UPRT: variants seen among roughly 807,000 people sequenced by gnomAD.
UPRT encodes RP11-311P8.3.
A neutral mutation model predicts 22.6 loss-of-function variants in UPRT; 5 were observed. The ratio of observed to expected loss-of-function variants is 0.22; its 90% CI spans 0.12 to 0.47. The LOEUF is 0.47. Ranked by LOEUF, UPRT falls within the 20% of genes least tolerant of loss-of-function variation. The pLI, the probability that UPRT is intolerant of heterozygous loss-of-function variation, is 0.99. For synonymous variants in UPRT, 77 were observed against 87.7 expected, an observed-to-expected ratio of 0.88 and a Z score of 0.68; for missense variants, 181 against 239.9, an observed-to-expected ratio of 0.75 and a Z score of 1.62.
intron 4 of UPRT, among the ~76,000 whole-genome samples, chrX:75,243,458 T>G (rs5981822): frequency 0.032 from 3,573 of 111,499 alleles, 147 homozygotes; most frequent in African/African-American, 0.11. Flanking sequence ...CACAAATATT[T>G]TCTGTAAATG....
intron 4 of UPRT, among the ~76,000 whole-genome samples, chrX:75,234,048 G>A (rs751550095): frequency 9.9e-5 from 11 of 110,554 alleles, no homozygotes; most frequent in African/African-American, 1.3e-4. Context: ...CCCATCTCAC[G>A]TGCAGAGACA....
At chrX:75,236,552 T>C (rs1907113816) in intron 4 of UPRT, among the ~76,000 whole-genome samples, 1 of 111,442 alleles carries the variant, frequency 9.0e-6, no homozygotes, top group Non-Finnish European at 1.9e-5. Context: ...CAAACTATAC[T>C]ACAAGGCTAC....
intron 4 of UPRT, among the ~76,000 whole-genome samples, chrX:75,208,837 T>C (rs1232171744): frequency 9.0e-6 from 1 of 111,569 alleles, no homozygotes; most frequent in Admixed American, 9.5e-5. Context: ...TGGGATGTGA[T>C]GTGTGGCTAT....
chrX:75,271,566 C>G (rs895668220), upstream of UPRT, among the ~76,000 whole-genome samples: 1 of 112,044 alleles, frequency 8.9e-6, no homozygotes, highest in Non-Finnish European at 1.9e-5. Context: ...TGGAAAAACC[C>G]TTATAGACAT....
At chrX:75,181,994 G>A (rs971446997) in intron 4 of UPRT, among the ~76,000 whole-genome samples, 1 of 111,795 alleles carries the variant, frequency 8.9e-6, no homozygotes, top group Admixed American at 9.5e-5. Flanking sequence ...GTCATAGATG[G>A]CTCTTAATAT....
rs775388029 is a variant in UPRT, at chrX:75,238,996, C to G, written c.-446-52028C>G. ...AAGAAAAGTTCATAGTATTAAATGC[C>G]TACATCAAAAAGTCTGAAAGAGCAC... On this transcript the variant is annotated intron_variant, in intron 4 of 13. Transcript: ENST00000652605. 2.1e-4 allele frequency among the ~76,000 whole-genome samples: 23 copies of G among 111,157 alleles called. 1 individual carries two copies. The South Asian group carries it at 8.5e-3, about 41-fold the overall frequency.
chrX:75,162,431 C>A (rs2082202796), intron 2 of UPRT, among the ~76,000 whole-genome samples: 1 of 111,742 alleles, frequency 8.9e-6, no homozygotes, highest in South Asian at 3.7e-4. Context: ...TTTAAGCTCT[C>A]AGAACTCACT....
At chrX:75,195,958 A>C (rs1207558979) in intron 4 of UPRT, among the ~76,000 whole-genome samples, 4 of 111,999 alleles carry the variant, frequency 3.6e-5, no homozygotes, top group African/African-American at 9.7e-5. Context: ...TGGGTCCTCC[A>C]ACTTTGTTCT....
chrX:75,264,827 C>G (rs965719798), intron 4 of UPRT, among the ~76,000 whole-genome samples: 1 of 109,146 alleles, frequency 9.2e-6, no homozygotes, highest in African/African-American at 3.3e-5. Flanking sequence ...GTGACTAGTA[C>G]CTTTCCATGT....
In UPRT at chrX:75,303,727, A is replaced by G. The variant is rs2082752341; in HGVS notation, c.*216A>G. 3.7e-6 allele frequency: 1 copy of G among 267,593 alleles called. No homozygotes were observed. The highest frequency in any genetic ancestry group is 2.9e-5 in the African/African-American group (1 of 34,662). The allele number at this position is 267,593 out of a possible 1,213,427, so 22.1% of individuals were successfully genotyped here. On this transcript the variant is annotated 3_prime_UTR_variant, in exon 7 of 7. Coordinates refer to ENST00000373383, the MANE Select transcript of UPRT (RefSeq NM_145052.4). ...AGTATATGCAACTCTTACAAAACAT[A>G]AATTTTAATAATATTCTAATGCAAA...
intron 4 of UPRT, among the ~76,000 whole-genome samples, chrX:75,209,085 G>A (rs920033901): frequency 8.9e-6 from 1 of 111,977 alleles, no homozygotes; most frequent in African/African-American, 3.3e-5. Context: ...TAAATAGGTT[G>A]CATAATAGAG....
At chrX:75,255,651 G>T (rs929121078) in intron 4 of UPRT, among the ~76,000 whole-genome samples, 1 of 111,501 alleles carries the variant, frequency 9.0e-6, no homozygotes, top group Non-Finnish European at 1.9e-5. Flanking sequence ...TAAAATGAAG[G>T]TAAAGGGATG....
intron 4 of UPRT, among the ~76,000 whole-genome samples, chrX:75,240,917 C>A (rs1207849726): frequency 9.0e-6 from 1 of 111,334 alleles, no homozygotes; most frequent in Non-Finnish European, 1.9e-5. Context: ...TCACCTAATA[C>A]AAAAATCAAC....
intron 1 of UPRT, among the ~76,000 whole-genome samples, chrX:75,286,731 A>T (rs2082683045): frequency 1.8e-5 from 2 of 111,801 alleles, no homozygotes; most frequent in African/African-American, 6.5e-5. Context: ...TCATAACAGG[A>T]CATCTAAAAA....
chrX:75,250,621 C>T (rs1356524157), intron 4 of UPRT, among the ~76,000 whole-genome samples: 1 of 111,210 alleles, frequency 9.0e-6, no homozygotes, highest in East Asian at 2.8e-4. Flanking sequence ...CAGCCGAATT[C>T]TACCAGAGGT....
At chrX:75,190,428 A>T (rs1455589495) in intron 4 of UPRT, among the ~76,000 whole-genome samples, 1 of 111,168 alleles carries the variant, frequency 9.0e-6, no homozygotes, top group Non-Finnish European at 1.9e-5. Context: ...CTTCATTTCA[A>T]CTTCGGTGAA....
At chrX:75,157,318 G>A (rs1336045734) in intron 1 of UPRT, among the ~76,000 whole-genome samples, 2 of 112,285 alleles carry the variant, frequency 1.8e-5, no homozygotes, top group African/African-American at 6.5e-5. Flanking sequence ...ACAGAAATCT[G>A]TAGCCCATGC....
rs763212393 is a variant in UPRT, at chrX:75,230,224, C to T, written c.-446-60800C>T. On this transcript the variant is annotated intron_variant, in intron 4 of 13. Transcript: ENST00000652605. ...AACATAACTCCATTGGCCTGAGAAC[C>T]CTCTCACCCCCAACACTCAAAGTGG... is the stretch of plus-strand genomic sequence containing the variant. Among the ~76,000 whole-genome samples, 4 of 111,189 alleles carry T rather than the reference C, an allele frequency of 3.6e-5. No homozygotes were observed. In the East Asian group the frequency reaches 1.1e-3, roughly 32 times the overall value.
intron 4 of UPRT, among the ~76,000 whole-genome samples, chrX:75,245,126 A>G (rs2082500147): frequency 9.0e-6 from 1 of 111,304 alleles, no homozygotes. Flanking sequence ...GGACATCAAC[A>G]GACACTTTTC....
Sources: allele counts gnomAD v4.1 joint callset (sites outside exome capture counted in the v4.1 genomes callset), GRCh38; gene constraint gnomAD v4.1.1; transcripts MANE v1.5; gene names NCBI Gene and HGNC (gene_info 2026-07-23, HGNC 2026-07-21).